Variants in SBK1 observed in about 807,000 individuals in gnomAD.
SBK1 encodes the protein serine/threonine-protein kinase SBK1.
Under a neutral mutation model 24.4 loss-of-function variants are expected in SBK1, and 11 were observed. That is an observed-to-expected ratio of 0.45 (90% CI 0.28 to 0.75). The LOEUF (loss-of-function observed/expected upper bound fraction) is 0.75, where lower values mean the gene tolerates loss of function less well. Ranked by LOEUF, SBK1 falls within the 30% of genes least tolerant of loss-of-function variation. SBK1 has a pLI of 0.12. For synonymous variants in SBK1, 308 were observed against 284.4 expected (o/e 1.08, Z -0.83); for missense variants, 467 against 620.5 (o/e 0.75, Z 2.63).
At chr16:28,278,546 AT>A (rs1179633625) in intron 1 of SBK1, among the ~76,000 whole-genome samples, 2 of 151,862 alleles carry the variant, frequency 1.3e-5, no homozygotes, top group East Asian at 3.9e-4. Flanking sequence ...ATTCTATTTT[AT>A]TTATTTATTT....
Position 28,273,220 on chromosome 16 carries a change from A to AT in SBK1, c.257+13730dup, listed in dbSNP as rs796314653. Among the ~76,000 whole-genome samples, 250 of 142,650 alleles carry AT rather than the reference A, an allele frequency of 1.8e-3. 2 individuals carry two copies. Among genetic ancestry groups the AT allele is most frequent in the African/African-American group, 4.1e-3 (158 of 38,876 alleles). 93.6% of individuals were successfully genotyped at this position (142,650 alleles called of 152,430 possible). On this transcript the variant is annotated intron_variant, in intron 1 of 3. Coordinates refer to the SBK1 transcript ENST00000671413. Reference sequence around the variant, plus strand: ...CCACCGCACCTGGCCTCTCTTTCAGATTTTTTTTTTTTCTTTTGAGACAGA... The same window carrying AT: ...CCACCGCACCTGGCCTCTCTTTCAGATTTTTTTTTTTTTCTTTTGAGACAGA...
At chr16:28,279,096 A>G (rs1475612702) in intron 1 of SBK1, among the ~76,000 whole-genome samples, 1 of 151,794 alleles carries the variant, frequency 6.6e-6, no homozygotes, top group Non-Finnish European at 1.5e-5. Context: ...AATCCCAGCT[A>G]TGCGGGAGGC....
At chr16:28,305,370 A>T (rs771404188) in intron 1 of SBK1, among the ~76,000 whole-genome samples, 29 of 151,830 alleles carry the variant, frequency 1.9e-4, no homozygotes, top group Middle Eastern at 3.4e-3. Context: ...GTGCTACCAC[A>T]CCTGGCTAAT....
At chr16:28,276,293 G>A (rs1366810077) in intron 1 of SBK1, among the ~76,000 whole-genome samples, 1 of 152,096 alleles carries the variant, frequency 6.6e-6, no homozygotes, top group Non-Finnish European at 1.5e-5. Context: ...AAGACCCCTA[G>A]GAGACTCACA....
chr16:28,305,831 G>A (rs1040292214), intron 1 of SBK1, among the ~76,000 whole-genome samples: 15 of 152,114 alleles, frequency 9.9e-5, no homozygotes, highest in Admixed American at 2.6e-4. Flanking sequence ...ATGAGCTACC[G>A]CACCCAGCCC....
At chr16:28,272,842 G>A (rs979957314) in intron 1 of SBK1, among the ~76,000 whole-genome samples, 22 of 151,462 alleles carry the variant, frequency 1.5e-4, no homozygotes, top group Non-Finnish European at 2.5e-4. Context: ...GGCTGGTCTC[G>A]AACTCCTGAC....
chr16:28,295,026 C>T (rs1596547236), intron 1 of SBK1, among the ~76,000 whole-genome samples: 2 of 152,326 alleles, frequency 1.3e-5, no homozygotes, highest in Admixed American at 1.3e-4. Flanking sequence ...TCCAGGTTTG[C>T]TCTACCCATT....
At chr16:28,285,140 T>C (rs2044557593) in intron 1 of SBK1, 1 of 152,284 alleles carries the variant, frequency 6.6e-6, no homozygotes, top group African/African-American at 2.4e-5. Context: ...GGTCTTACCA[T>C]GTTGCCCATG....
intron 1 of SBK1, among the ~76,000 whole-genome samples, chr16:28,280,115 C>CTATATATATATATATATATATA (rs1193408430): frequency 3.4e-5 from 1 of 29,464 alleles, no homozygotes; most frequent in Non-Finnish European, 6.6e-5. Context: ...TTGAAAAAAA[C>CTATATATATATATATATATATA]TATATATATA....
intron 1 of SBK1, among the ~76,000 whole-genome samples, chr16:28,299,914 C>T (rs982055756): frequency 2.0e-5 from 3 of 152,250 alleles, no homozygotes; most frequent in Non-Finnish European, 2.9e-5. Context: ...GTGCACACAG[C>T]AGGTCCCACC....
chr16:28,280,945 A>G (rs1262458843), intron 1 of SBK1, among the ~76,000 whole-genome samples: 1 of 152,150 alleles, frequency 6.6e-6, no homozygotes, highest in African/African-American at 2.4e-5. Flanking sequence ...GATTACAGGC[A>G]TGAGCCGCCC....
chr16:28,319,786 T>C lies in SBK1; in HGVS notation c.430-290T>C, dbSNP rs2044824817. ...GCAGGCAGGGCAAAATGACAGCAGG[T>C]GGAGGGCGCCGCGGACCCCCTCATC... On this transcript the variant is annotated intron_variant, in intron 3 of 3. Transcript: ENST00000341901. This position sits in a 1 kb window ranked among gnomAD's most constrained non-coding sequence, Gnocchi z 4.0. 6.6e-6 allele frequency among the ~76,000 whole-genome samples: 1 copy of C among 151,824 alleles called. No homozygotes were observed. The highest frequency in any genetic ancestry group is 2.4e-5 in the African/African-American group (1 of 41,296).
chr16:28,284,110 G>A (rs904952132), intron 1 of SBK1, among the ~76,000 whole-genome samples: 3 of 152,166 alleles, frequency 2.0e-5, no homozygotes, highest in African/African-American at 4.8e-5. Flanking sequence ...GTAACACGAC[G>A]CTTGTCGCTG....
chr16:28,274,486 C>G (rs930973748), intron 1 of SBK1, among the ~76,000 whole-genome samples: 1 of 152,054 alleles, frequency 6.6e-6, no homozygotes, highest in African/African-American at 2.4e-5. Flanking sequence ...CCCGTCTCTA[C>G]TAAAAATACA....
chr16:28,297,570 G>A (rs1477446898), intron 1 of SBK1, among the ~76,000 whole-genome samples: 1 of 152,188 alleles, frequency 6.6e-6, no homozygotes. Context: ...CTGAGATGCT[G>A]TGTGACCTTC....
At chr16:28,286,502 C>G (rs916602631) in intron 1 of SBK1, 4 of 151,754 alleles carry the variant, frequency 2.6e-5, no homozygotes, top group African/African-American at 9.7e-5. Flanking sequence ...TGGTGAAACC[C>G]CATCTCTACT....
chr16:28,290,161 G>A (rs998373555), upstream of SBK1: 2 of 152,190 alleles, frequency 1.3e-5, no homozygotes, highest in African/African-American at 2.4e-5. Flanking sequence ...GAGAAGAGAG[G>A]TCCTTTGTAG....
At chr16:28,289,681 C>T (rs942819323), upstream of SBK1, among the ~76,000 whole-genome samples, 11 of 151,608 alleles carry the variant, frequency 7.3e-5, no homozygotes, top group African/African-American at 2.7e-4. Context: ...GCAGGAGAAT[C>T]ACTTGAACCC....
intron 1 of SBK1, among the ~76,000 whole-genome samples, chr16:28,267,151 C>A: frequency 6.6e-6 from 1 of 152,112 alleles, no homozygotes; most frequent in East Asian, 1.9e-4. Context: ...AGGTGATCCA[C>A]CCACCTCAGC....
Sources: allele counts gnomAD v4.1 joint callset (sites outside exome capture counted in the v4.1 genomes callset), GRCh38; gene constraint gnomAD v4.1.1; non-coding constraint Gnocchi (gnomAD v3.1); transcripts MANE v1.5; gene names NCBI Gene and HGNC (gene_info 2026-07-23, HGNC 2026-07-21).